The following SDK1 variants were observed in gnomAD, a reference collection of about 807,000 sequenced individuals.
SDK1 encodes sidekick cell adhesion molecule 1, also known as protein sidekick-1.
SDK1 carries 157 observed loss-of-function variants against 245.5 expected under a neutral mutation model. The ratio of observed to expected loss-of-function variants is 0.64; its 90% CI spans 0.56 to 0.73. The LOEUF is 0.73. SDK1 is among the 30% of genes least tolerant of loss of function. The pLI is 0.00. For synonymous variants in SDK1, 1,647 were observed against 1,278.5 expected, an observed-to-expected ratio of 1.29 and a Z score of -6.15; for missense variants, 3,583 against 3,002.3, an observed-to-expected ratio of 1.19 and a Z score of -4.52.
intron 8 of SDK1, among the ~76,000 whole-genome samples, chr7:3,960,731 C>A (rs865969109): frequency 6.6e-6 from 1 of 152,206 alleles, no homozygotes; most frequent in Non-Finnish European, 1.5e-5. Flanking sequence ...TCCAGCTCTA[C>A]TGATTCGGCA....
At chr7:4,146,091 A>C (rs1457057663) in intron 29 of SDK1, among the ~76,000 whole-genome samples, 175 bp downstream of exon 29, 2 of 152,244 alleles carry the variant, frequency 1.3e-5, no homozygotes, top group African/African-American at 2.4e-5. Context: ...TGGACACACT[A>C]TCAAACAGCA....
chr7:3,329,279 A>G (rs1007681021), intron 1 of SDK1, among the ~76,000 whole-genome samples: 2 of 152,164 alleles, frequency 1.3e-5, no homozygotes, highest in African/African-American at 4.8e-5. Flanking sequence ...ACTCTGGGGA[A>G]AAGCAGATTC....
At chr7:4,172,313 C>T (rs1781896069) in intron 32 of SDK1, among the ~76,000 whole-genome samples, 2 of 152,118 alleles carry the variant, frequency 1.3e-5, no homozygotes, top group South Asian at 4.1e-4. Flanking sequence ...ACACGGTGCC[C>T]CTCTGGCATG....
intron 4 of SDK1, among the ~76,000 whole-genome samples, chr7:3,754,485 T>G (rs1215577607): frequency 6.6e-6 from 1 of 152,110 alleles, no homozygotes; most frequent in Non-Finnish European, 1.5e-5. Flanking sequence ...CCTTTGGAGA[T>G]ATTCTATCAA....
intron 1 of SDK1, among the ~76,000 whole-genome samples, chr7:3,455,673 A>G (rs1294539567): frequency 6.6e-6 from 1 of 151,940 alleles, no homozygotes; most frequent in Non-Finnish European, 1.5e-5. Flanking sequence ...CACAGTTTTG[A>G]TTATGGAGCT....
intron 43 of SDK1, among the ~76,000 whole-genome samples, chr7:4,242,981 A>G (rs10265196): frequency 0.63 from 96,392 of 152,080 alleles, 32,529 homozygotes; most frequent in African/African-American, 0.87. Flanking sequence ...AGGCCTTCCC[A>G]AGGGCTGGAG....
intron 19 of SDK1, among the ~76,000 whole-genome samples, chr7:4,056,398 G>T (rs1430674259): frequency 6.6e-6 from 1 of 152,070 alleles, no homozygotes; most frequent in East Asian, 1.9e-4. Flanking sequence ...TCATAAAGAA[G>T]AACAAGAACA....
intron 44 of SDK1, among the ~76,000 whole-genome samples, chr7:4,253,147 C>T (rs371312685): frequency 6.6e-6 from 1 of 152,028 alleles, no homozygotes; most frequent in African/African-American, 2.4e-5. Flanking sequence ...CTACTCTAAT[C>T]TTTATGACTT....
intron 4 of SDK1, among the ~76,000 whole-genome samples, chr7:3,775,787 A>G (rs901901305): frequency 6.6e-6 from 1 of 151,976 alleles, no homozygotes; most frequent in Non-Finnish European, 1.5e-5. Flanking sequence ...CTTGTTAGCC[A>G]GGATGGTCTC....
Position 3,317,312 on chromosome 7 carries a change from G to T in SDK1, c.298+15428G>T, listed in dbSNP as rs1055203082. Among the ~76,000 whole-genome samples, 6 of 151,660 alleles carry T rather than the reference G, an allele frequency of 4.0e-5. No individual in the cohort carries two copies. The South Asian group carries it at 1.2e-3, about 32-fold the overall frequency. ...AAGTAAGGTTTTTAAGGCAAGCAAA[G>T]GAACATGTATTGATTTCTGAGTATA... On this transcript the variant is annotated intron_variant, in intron 1 of 44. Coordinates refer to ENST00000404826, the MANE Select transcript of SDK1 (RefSeq NM_152744.4).
intron 4 of SDK1, among the ~76,000 whole-genome samples, chr7:3,661,394 A>G (rs1783350870): frequency 6.6e-6 from 1 of 152,232 alleles, no homozygotes; most frequent in Non-Finnish European, 1.5e-5. Flanking sequence ...GAAAGGGGAC[A>G]TTAACAACCT....
At chr7:4,149,795 C>T (rs1446457152) in intron 30 of SDK1, among the ~76,000 whole-genome samples, 1 of 152,114 alleles carries the variant, frequency 6.6e-6, no homozygotes, top group African/African-American at 2.4e-5. Flanking sequence ...CCTCCCAAGG[C>T]TGGCAATGGG....
In SDK1 at chr7:4,265,344, G is replaced by C. The variant is rs1343279107; in HGVS notation, c.6602G>C (p.Gly2201Ala). 15 of 1,466,268 alleles carry C rather than the reference G, an allele frequency of 1.0e-5. No homozygotes were observed. The highest frequency in any genetic ancestry group is 1.3e-5 in the Non-Finnish European group (15 of 1,122,188). The allele number at this position is 1,466,268 out of a possible 1,614,324, so 90.8% of individuals were successfully genotyped here. A position where few individuals can be genotyped will look rare whatever the true frequency, so the allele number is the denominator to read the frequency against. Residue 2201 changes from glycine to alanine, a missense_variant, in exon 45 of 45, where the codon GGC (glycine) becomes GCC (alanine). Gly to Ala is a moderately conservative substitution (Grantham distance 60, BLOSUM62 0). Transcript: ENST00000404826. ...GGCGTCTACACCCCCGCTGGCCCCGGCGCGCGAACTCCGCTCACCGGCTTC... is the reference window on the plus strand; with the variant it reads ...GGCGTCTACACCCCCGCTGGCCCCGCCGCGCGAACTCCGCTCACCGGCTTC... ...AGGVYTPAGP[G>A]ARTPLTGFSS...
rs755465847 is a variant in SDK1 at position 4,210,178 on chromosome 7, G to A, written c.5539+16G>A. The stretch of plus-strand genomic sequence containing the variant: ...CCTGTACAAGGTAAGACCCGGGGTT[G>A]GGGAGATGGGAGCGCGGGCCACACC... On this transcript the variant is annotated intron_variant, in intron 38 of 44. Transcript: ENST00000404826. 3.9e-6 allele frequency: 6 copies of A among 1,529,854 alleles called. No homozygotes were observed. The highest frequency in any genetic ancestry group is 5.3e-6 in the Non-Finnish European group (6 of 1,140,024). The allele number at this position is 1,529,854 out of a possible 1,614,324, so 94.8% of individuals were successfully genotyped here.
intron 1 of SDK1, among the ~76,000 whole-genome samples, chr7:3,389,254 T>G: frequency 6.6e-6 from 1 of 152,118 alleles, no homozygotes; most frequent in Non-Finnish European, 1.5e-5. Context: ...ACTACAGATA[T>G]GATTAAGTTA....
chr7:4,043,606 G>A (rs1205893883), intron 17 of SDK1, among the ~76,000 whole-genome samples: 1 of 152,214 alleles, frequency 6.6e-6, no homozygotes, highest in Non-Finnish European at 1.5e-5. Flanking sequence ...GTGCCCCAGA[G>A]AGGCACTGCC....
At chr7:3,746,299 C>G (rs971544984) in intron 4 of SDK1, among the ~76,000 whole-genome samples, 7 of 152,332 alleles carry the variant, frequency 4.6e-5, no homozygotes, top group African/African-American at 1.2e-4. Flanking sequence ...TTCAGCAAGT[C>G]TTTTTGATGG....
At chr7:3,560,192 T>G (rs1409878249) in intron 1 of SDK1, among the ~76,000 whole-genome samples, 1 of 152,240 alleles carries the variant, frequency 6.6e-6, no homozygotes, top group African/African-American at 2.4e-5. Context: ...CAAAATACAC[T>G]GTTTATCTTG....
chr7:3,577,449 C>T (rs1780330583), intron 1 of SDK1, among the ~76,000 whole-genome samples: 1 of 150,444 alleles, frequency 6.6e-6, no homozygotes, highest in Admixed American at 6.6e-5. Flanking sequence ...TTTACTGTTG[C>T]CCCTGGACTT....
Sources: allele counts gnomAD v4.1 joint callset (sites outside exome capture counted in the v4.1 genomes callset), GRCh38; gene constraint gnomAD v4.1.1; transcripts MANE v1.5; gene names NCBI Gene and HGNC (gene_info 2026-07-23, HGNC 2026-07-21).